FBXO16: variants seen among roughly 807,000 people sequenced by gnomAD.
The protein encoded by FBXO16 is F-box only protein 16.
In FBXO16, 31 loss-of-function variants were observed where a neutral mutation model predicts 41.0. That is an observed-to-expected ratio of 0.76 (90% CI 0.57 to 1.02). The LOEUF is 1.02. Ranked by LOEUF, FBXO16 falls within the 50% of genes least tolerant of loss-of-function variation. The pLI, the probability that FBXO16 is intolerant of heterozygous loss-of-function variation, is 0.00. For synonymous variants in FBXO16, 133 were observed against 117.8 expected, an observed-to-expected ratio of 1.13 and a Z score of -0.84; for missense variants, 361 against 346.2, an observed-to-expected ratio of 1.04 and a Z score of -0.34.
At chr8:28,478,262 A>G (rs1465701398) in intron 2 of FBXO16, among the ~76,000 whole-genome samples, 5 of 152,138 alleles carry the variant, frequency 3.3e-5, no homozygotes, top group African/African-American at 4.8e-5. Flanking sequence ...TTAAAGAACC[A>G]ATGAGTACTG....
rs369034120 is a variant in FBXO16, at chr8:28,456,820, G to A, written c.453C>T (p.Ile151=). 6.2e-7 allele frequency: 1 copy of A among 1,613,968 alleles called. No homozygotes were observed. The highest frequency in any genetic ancestry group is 8.5e-7 in the Non-Finnish European group (1 of 1,180,018). ...NFSPTPFEQG[I]WKKHYIQMVK... is the part of the protein sequence containing the mutation. The stretch of plus-strand genomic sequence containing the variant: ...CCATTTGAATATAGTGCTTCTTCCA[G>A]ATCCCCTGCTCAAAGGGAGTTGGAG... The change falls in exon 5 of 9, where the codon ATC becomes ATT. Residue 151 remains isoleucine, a synonymous_variant. Coordinates refer to ENST00000380254, the MANE Select transcript of FBXO16 (RefSeq NM_172366.4).
intron 1 of FBXO16, 90 bp from the exon 2 acceptor site, chr8:28,483,552 C>T: frequency 1.2e-6 from 1 of 865,992 alleles, no homozygotes; most frequent in Non-Finnish European, 1.9e-6. Flanking sequence ...GGCACGATGG[C>T]TCACGCCTGT....
chr8:28,485,717 C>T (rs3922392), intron 1 of FBXO16, among the ~76,000 whole-genome samples: 33,297 of 152,132 alleles, frequency 0.22, 4,029 homozygotes, highest in Middle Eastern at 0.29. Context: ...AGCTAACTAT[C>T]GGACTCACAT....
In FBXO16 at chr8:28,452,295, A is replaced by T; in HGVS notation, c.689T>A (p.Ile230Asn). ...ACGGTTGTCTAGGTAATTAAAACGA[A>T]TGATATCTGTTGGGTGCTTATCAGA... is the stretch of plus-strand genomic sequence containing the variant. ...RSSDKHPTDI[I>N]RFNYLDNRDP... Residue 230 changes from isoleucine to asparagine, a missense_variant, in exon 6 of 9, where the codon ATT becomes AAT. Transcript: ENST00000380254. The T allele has an allele frequency of 6.2e-7, 1 of 1,614,208 alleles. No homozygotes were observed. The highest frequency in any genetic ancestry group is 1.3e-5 in the African/African-American group (1 of 75,052).
chr8:28,451,532 C>T (rs1037174492), intron 6 of FBXO16, among the ~76,000 whole-genome samples: 1 of 150,768 alleles, frequency 6.6e-6, no homozygotes, highest in African/African-American at 2.4e-5. Flanking sequence ...GCTTTACTTT[C>T]GGAATGTATT....
At position 28,483,431 on chromosome 8, in the gene FBXO16, G is replaced by T. The variant is rs1803548187; in HGVS notation, c.16C>A (p.Pro6Thr). Residue 6 changes from proline (P) to threonine (T), a missense_variant, in exon 2 of 9, where the codon CCT becomes ACT. By Grantham distance (38) the Pro-to-Thr change is conservative. Coordinates refer to ENST00000380254, the MANE Select transcript of FBXO16 (RefSeq NM_172366.4). ...TTGGGACCATCTGTGTTTTTTGGAGGTGCAAATGCCATCATGAAACAACTG... is the reference window on the plus strand; with the variant it reads ...TTGGGACCATCTGTGTTTTTTGGAGTTGCAAATGCCATCATGAAACAACTG... Reference protein sequence around the residue: MMAFAPPKNTDGPKMQ... With the variant: MMAFATPKNTDGPKMQ... The T allele has an allele frequency of 1.4e-5, 23 of 1,613,880 alleles. No individual in the cohort carries two copies. Among genetic ancestry groups the T allele is most frequent in the Non-Finnish European group, 1.9e-5 (23 of 1,179,922 alleles).
chr8:28,482,682 C>T (rs549977704), intron 2 of FBXO16, among the ~76,000 whole-genome samples: 45 of 152,010 alleles, frequency 3.0e-4, no homozygotes, highest in African/African-American at 8.2e-4. Context: ...GCGATTCTCC[C>T]GCCTCAGCCT....
chr8:28,441,906 A>ATGTGTG (rs748888213), intron 7 of FBXO16, among the ~76,000 whole-genome samples: 3 of 139,464 alleles, frequency 2.2e-5, no homozygotes, highest in East Asian at 2.0e-4. Context: ...CAGTGTATAT[A>ATGTGTG]TATATGTGTG....
chr8:28,479,945 A>G (rs1342746031), intron 2 of FBXO16, among the ~76,000 whole-genome samples: 1 of 151,206 alleles, frequency 6.6e-6, no homozygotes, highest in African/African-American at 2.4e-5. Context: ...TATGTTGCCC[A>G]GGCTGGTCTT....
At chr8:28,429,692 A>G (rs1802578846) in intron 7 of FBXO16, among the ~76,000 whole-genome samples, 1 of 152,182 alleles carries the variant, frequency 6.6e-6, no homozygotes, top group Middle Eastern at 3.4e-3. Context: ...TTTGCAATAC[A>G]CAGGGTTTCT....
chr8:28,447,157 T>A lies in FBXO16; in HGVS notation c.843+14A>T, dbSNP rs767425691. On this transcript the variant is annotated intron_variant, in intron 7 of 8. Coordinates refer to ENST00000380254, the MANE Select transcript of FBXO16 (RefSeq NM_172366.4). ...TAATGTTATGGTGATGAATCTTTCATAAACAATACTTACCATTGATTGTGC... is the reference window on the plus strand; with the variant it reads ...TAATGTTATGGTGATGAATCTTTCAAAAACAATACTTACCATTGATTGTGC... 1.9e-6 allele frequency: 3 copies of A among 1,597,636 alleles called. No individual in the cohort carries two copies. The highest frequency in any genetic ancestry group is 2.6e-6 in the Non-Finnish European group (3 of 1,169,856).
chr8:28,451,730 C>T lies in FBXO16; in HGVS notation c.740+514G>A, dbSNP rs1172673613. On this transcript the variant is annotated intron_variant, in intron 6 of 8. Transcript: ENST00000380254. ...AGGCACAGTTGCTCATGCCTGTAAT[C>T]CCAGCACTTTAGGAGGCCGAGGCAT... Among the ~76,000 whole-genome samples the T allele has an allele frequency of 2.0e-5, 3 of 152,036 alleles. No individual in the cohort carries two copies. The East Asian group carries it at 5.8e-4, about 29-fold the overall frequency.
chr8:28,459,519 G>A (rs1340519093), intron 4 of FBXO16, among the ~76,000 whole-genome samples: 3 of 151,612 alleles, frequency 2.0e-5, no homozygotes, highest in Non-Finnish European at 4.4e-5. Flanking sequence ...TCGGGAGGCT[G>A]AGGCAAGAGA....
intron 7 of FBXO16, among the ~76,000 whole-genome samples, chr8:28,433,361 A>G (rs576841403): frequency 6.6e-6 from 1 of 152,194 alleles, no homozygotes; most frequent in Non-Finnish European, 1.5e-5. Context: ...CAGCGCCTGA[A>G]TCTTCCATGG....
intron 3 of FBXO16, among the ~76,000 whole-genome samples, chr8:28,473,536 T>C (rs554198821): frequency 6.6e-6 from 1 of 152,238 alleles, no homozygotes; most frequent in East Asian, 1.9e-4. Context: ...AGTGAGGAGG[T>C]GGCTGTCTAT....
chr8:28,460,245 A>ATATATATATATATAT (rs1477457728), intron 4 of FBXO16, among the ~76,000 whole-genome samples: 5 of 85,442 alleles, frequency 5.9e-5, no homozygotes, highest in Admixed American at 1.6e-4. Flanking sequence ...ATATATATAT[A>ATATATATATATATAT]TTTTTTTTTT....
intron 4 of FBXO16, among the ~76,000 whole-genome samples, chr8:28,461,009 A>C (rs967799755): frequency 2.3e-4 from 35 of 152,062 alleles, no homozygotes; most frequent in Admixed American, 1.5e-3. Context: ...TGCTGGGATT[A>C]CAGGCAAGCC....
Position 28,463,763 on chromosome 8 carries a change from C to T in FBXO16, c.191G>A (p.Arg64His), listed in dbSNP as rs146500582. ...GAACTTTTGCTGGGACAGCGAGCAG[C>T]GCTCCAACAGGCCTGTGAGGATTCT... ...RRRILTGLLE[R>H]CSLSQQKFCC... Residue 64 changes from arginine (R) to histidine (H), a missense_variant, in exon 4 of 9, where the codon CGC becomes CAC. Physicochemically the swap from Arg to His is conservative, Grantham distance 29. Coordinates refer to ENST00000380254, the MANE Select transcript of FBXO16 (RefSeq NM_172366.4). The T allele has an allele frequency of 1.5e-3, 2,400 of 1,614,136 alleles. 2 individuals are homozygous for T. The highest frequency in any genetic ancestry group is 1.9e-3 in the Non-Finnish European group (2,186 of 1,179,974).
At chr8:28,471,326 A>C (rs934094917) in intron 3 of FBXO16, among the ~76,000 whole-genome samples, 1 of 152,172 alleles carries the variant, frequency 6.6e-6, no homozygotes, top group Non-Finnish European at 1.5e-5. Flanking sequence ...ATACTAGATT[A>C]AACTTTAAAA....
Sources: allele counts gnomAD v4.1 joint callset (sites outside exome capture counted in the v4.1 genomes callset), GRCh38; gene constraint gnomAD v4.1.1; transcripts MANE v1.5; gene names NCBI Gene and HGNC (gene_info 2026-07-23, HGNC 2026-07-21).